Variants in HK3 observed in about 807,000 individuals in gnomAD.
HK3 encodes the protein hexokinase 3.
Under a neutral mutation model 91.0 loss-of-function variants are expected in HK3, and 93 were observed. That is an observed-to-expected ratio of 1.02 (90% CI 0.86 to 1.21). The LOEUF is 1.21. Among genes scored for constraint, HK3 ranks in the 50% most tolerant of loss-of-function variants. HK3 has a pLI of 0.00. For missense variants in HK3, 1,235 were observed against 1,247.4 expected (o/e 0.99, Z 0.15); for synonymous variants, 519 against 516.9 (o/e 1.00, Z -0.06).
In HK3 at chr5:176,889,430, T is replaced by C; in HGVS notation, c.865A>G (p.Thr289Ala). ...DDGALGPVLT[T>A]FDHTLDHESL... Reference sequence around the variant, plus strand: ...TCATGGTCCAGGGTATGGTCGAAGGTGGTCAGCACTGGTCCCAGCGCCCCA... The same window carrying C: ...TCATGGTCCAGGGTATGGTCGAAGGCGGTCAGCACTGGTCCCAGCGCCCCA... Residue 289 changes from threonine (T) to alanine (A), a missense_variant, in exon 8 of 19, where the codon ACC becomes GCC. Around this residue, in one of 3 missense-constraint regions of HK3, gnomAD observed 717 missense variants for 751.6 expected, o/e 0.95. Transcript: ENST00000292432. 1 of 1,614,106 alleles carries C rather than the reference T, an allele frequency of 6.2e-7. No homozygotes were observed. Among genetic ancestry groups the C allele is most frequent in the Admixed American group, 1.7e-5 (1 of 60,026 alleles).
intron 6 of HK3, 38 bp from the exon 7 acceptor site, chr5:176,889,782 A>G: frequency 6.4e-7 from 1 of 1,573,824 alleles, no homozygotes. Flanking sequence ...GGCTGGCCTG[A>G]GTGGCCAGAG....
chr5:176,882,068 C>T lies in HK3; in HGVS notation c.2113G>A (p.Asp705Asn). 1 of 1,612,918 alleles carries T rather than the reference C, an allele frequency of 6.2e-7. No homozygotes were observed. Among genetic ancestry groups the T allele is most frequent in the Non-Finnish European group, 8.5e-7 (1 of 1,180,014 alleles). ...ELRNVAGVPG[D>N]SGRMCINMEW... ...ATGTTGATGCACATGCGGCCTGAGT[C>T]CCCAGGCACGCCCGCCACATTCCGG... The change falls in exon 16 of 19, where the codon GAC (aspartate) becomes AAC (asparagine). Residue 705 changes from aspartate (D) to asparagine (N), a missense_variant. Physicochemically the swap from Asp to Asn is conservative, Grantham distance 23. Transcript: ENST00000292432.
chr5:176,884,234 C>T lies in HK3; in HGVS notation c.1858-100G>A, dbSNP rs1330584881. 3 of 977,046 alleles carry T rather than the reference C, an allele frequency of 3.1e-6. No individual in the cohort carries two copies. Among genetic ancestry groups the T allele is most frequent in the East Asian group, 2.4e-5 (1 of 41,676 alleles). 60.5% of individuals were successfully genotyped at this position (977,046 alleles called of 1,614,324 possible). A position where few individuals can be genotyped will look rare whatever the true frequency, so the allele number is the denominator to read the frequency against. ...ATCCATCACAAGCCTAGGCTTTCCACCCTCCCCAAGCACAATTCCTTGCCT... is the reference window on the plus strand; with the variant it reads ...ATCCATCACAAGCCTAGGCTTTCCATCCTCCCCAAGCACAATTCCTTGCCT... On this transcript the variant is annotated intron_variant, in intron 13 of 18. Coordinates refer to ENST00000292432, the MANE Select transcript of HK3 (RefSeq NM_002115.3). The surrounding 1 kb of genome is among the most constrained non-coding windows in gnomAD (Gnocchi z 4.1).
intron 13 of HK3, 46 bp downstream of exon 13, chr5:176,886,956 G>A (rs368574792): frequency 3.0e-5 from 48 of 1,609,752 alleles, no homozygotes; most frequent in Non-Finnish European, 3.7e-5. Flanking sequence ...AAGGGTATGT[G>A]GGGGCAGGAG....
chr5:176,886,910 GC>G, intron 13 of HK3, 91 bp downstream of exon 13: 1 of 1,479,142 alleles, frequency 6.8e-7, no homozygotes, highest in Non-Finnish European at 9.2e-7. Flanking sequence ...ACCCGCCACC[GC>G]CCAGCCTTTT....
At position 176,890,805 on chromosome 5, in the gene HK3, T is replaced by C; in HGVS notation, c.534+17A>G. On this transcript the variant is annotated intron_variant, in intron 5 of 18. Coordinates refer to ENST00000292432, the MANE Select transcript of HK3 (RefSeq NM_002115.3). ...CAGCCACCCTCTACCCAGCGTCCCA[T>C]GTCCACTCCACCTCACCCTGTCCAA... The C allele has an allele frequency of 1.9e-6, 3 of 1,614,168 alleles. No individual in the cohort carries two copies. Among genetic ancestry groups the C allele is most frequent in the Non-Finnish European group, 1.7e-6 (2 of 1,180,020 alleles).
intron 16 of HK3, 27 bp downstream of exon 16, chr5:176,881,917 C>T: frequency 6.2e-7 from 1 of 1,612,496 alleles, no homozygotes; most frequent in Non-Finnish European, 8.5e-7. Context: ...TCACAGCCAG[C>T]CACCACTGCC....
Position 176,889,581 on chromosome 5 carries a change from T to C in HK3, c.731-17A>G. 6.2e-7 allele frequency: 1 copy of C among 1,614,086 alleles called. No homozygotes were observed. The highest frequency in any genetic ancestry group is 8.5e-7 in the Non-Finnish European group (1 of 1,179,932). On this transcript the variant is annotated splice_polypyrimidine_tract_variant and intron_variant, in intron 7 of 18. Coordinates refer to ENST00000292432, the MANE Select transcript of HK3 (RefSeq NM_002115.3). ...TGCCCGTGTCTGGCAGAGACAACCC[T>C]GTCAAGGCCTGCTAGCCAGGCAGCA...
chr5:176,885,118 G>A (rs1758548104), intron 13 of HK3, among the ~76,000 whole-genome samples: 3 of 152,190 alleles, frequency 2.0e-5, no homozygotes, highest in Non-Finnish European at 4.4e-5. Context: ...GGTTGCTGAT[G>A]ACTTCCTGAG....
chr5:176,898,861 G>T (rs1053959317), intron 1 of HK3, among the ~76,000 whole-genome samples: 12 of 152,184 alleles, frequency 7.9e-5, no homozygotes, highest in Non-Finnish European at 1.3e-4. Flanking sequence ...GGCTGGGTGT[G>T]GTGGCTTGCA....
chr5:176,882,027 A>G lies in HK3; in HGVS notation c.2154T>C (p.Phe718=). Residue 718 remains phenylalanine, a synonymous_variant, in exon 16 of 19, where the codon TTT becomes TTC. Transcript: ENST00000292432. The part of the protein sequence containing the change: ...RMCINMEWGA[F]GDDGSLAMLS... ...GCATGGCCAGAGAGCCATCGTCCCCAAAGGCGCCCCACTCCATGTTGATGC... is the reference window on the plus strand; with the variant it reads ...GCATGGCCAGAGAGCCATCGTCCCCGAAGGCGCCCCACTCCATGTTGATGC... 1 of 1,613,230 alleles carries G rather than the reference A, an allele frequency of 6.2e-7. No individual in the cohort carries two copies. Among genetic ancestry groups the G allele is most frequent in the Non-Finnish European group, 8.5e-7 (1 of 1,180,014 alleles).
rs139187398 is a variant in HK3, at chr5:176,888,796, C to T, written c.983G>A (p.Arg328Gln). ...GCAGCCACCAAAGAGGACCCCACAC[C>T]GGGCCAAGTGAGCCAGCACCAGCCG... is the stretch of plus-strand genomic sequence containing the variant. ...LVRLVLAHLARCGVLFGGCTS... is the reference protein window; with the variant it reads ...LVRLVLAHLAQCGVLFGGCTS... Residue 328 changes from arginine (R) to glutamine (Q), a missense_variant, in exon 9 of 19, where the codon CGG becomes CAG. Arg to Gln is a conservative substitution (Grantham distance 43). This residue lies in a region of HK3 where 717 missense variants were observed against 751.6 expected (regional missense o/e 0.95). Transcript: ENST00000292432. 2.4e-5 allele frequency: 38 copies of T among 1,614,048 alleles called. No homozygotes were observed. Among genetic ancestry groups the T allele is most frequent in the South Asian group, 8.8e-5 (8 of 91,080 alleles).
Position 176,887,723 on chromosome 5 carries a change from G to A in HK3, c.1328C>T (p.Thr443Ile). The A allele has an allele frequency of 6.2e-7, 1 of 1,611,846 alleles. No homozygotes were observed. The highest frequency in any genetic ancestry group is 8.5e-7 in the Non-Finnish European group (1 of 1,178,368). ...HPRFCSVLQGTVMLLAPECDV... is the reference protein window; with the variant it reads ...HPRFCSVLQGIVMLLAPECDV... ...GCATTCCGGGGCCAGGAGCATCACT[G>A]TCCCCTGCAGGACGCTGCAGAACCT... Residue 443 changes from threonine (T) to isoleucine (I), a missense_variant, in exon 11 of 19, where the codon ACA (threonine) becomes ATA (isoleucine). This residue lies in a region of HK3 where 717 missense variants were observed against 751.6 expected (regional missense o/e 0.95). Transcript: ENST00000292432. This position sits in a 1 kb window ranked among gnomAD's most constrained non-coding sequence, Gnocchi z 4.9.
At position 176,881,850 on chromosome 5, in the gene HK3, G is replaced by T; in HGVS notation, c.2238-3C>A. ...TGCCGCTGATCATCTTTTCAAACCT[G>T]CATGAACATGTGTGCACTCGGCAGA... On this transcript the variant is annotated splice_region_variant and splice_polypyrimidine_tract_variant and intron_variant, in intron 16 of 18. Transcript: ENST00000292432. 6.2e-7 allele frequency: 1 copy of T among 1,610,526 alleles called. No individual in the cohort carries two copies. The highest frequency in any genetic ancestry group is 1.1e-5 in the South Asian group (1 of 90,780).
rs145134037 is a variant in HK3 at position 176,899,006 on chromosome 5, G to A, written c.-27+261C>T. On this transcript the variant is annotated intron_variant, in intron 1 of 18. Coordinates refer to ENST00000292432, the MANE Select transcript of HK3 (RefSeq NM_002115.3). The stretch of plus-strand genomic sequence containing the variant: ...AAAAATTAGCTGGGTGTGGTGGTGT[G>A]CGCCTGTAGTCTCAGCTACTCCGGA... 9.0e-3 allele frequency among the ~76,000 whole-genome samples: 1,373 copies of A among 152,284 alleles called. 7 individuals are homozygous for A. The highest frequency in any genetic ancestry group is 0.024 in the South Asian group (116 of 4,828).
Position 176,887,091 on chromosome 5 carries a change from C to A in HK3, c.1768G>T (p.Asp590Tyr). 6.2e-7 allele frequency: 1 copy of A among 1,613,994 alleles called. No individual in the cohort carries two copies. Among genetic ancestry groups the A allele is most frequent in the Middle Eastern group, 1.6e-4 (1 of 6,062 alleles). The change falls in exon 13 of 19, where the codon GAC becomes TAC. Residue 590 changes from aspartate (D) to tyrosine (Y), a missense_variant. This residue lies in a region of HK3 where 513 missense variants were observed against 477.4 expected (regional missense o/e 1.07). Coordinates refer to ENST00000292432, the MANE Select transcript of HK3 (RefSeq NM_002115.3). This position sits in a 1 kb window ranked among gnomAD's most constrained non-coding sequence, Gnocchi z 4.9. ...CTCAGGCCCTGCTTCTGCTGGAAGT[C>A]CACGATGCAGTCCACGATGTGGTCA... is the stretch of plus-strand genomic sequence containing the variant. ...LFDHIVDCIV[D>Y]FQQKQGLSGQ...
chr5:176,893,218 G>T lies in HK3; in HGVS notation c.97-1668C>A, dbSNP rs139354393. 1.4e-4 allele frequency among the ~76,000 whole-genome samples: 21 copies of T among 152,286 alleles called. No homozygotes were observed. The East Asian group carries it at 3.9e-3, about 28-fold the overall frequency. ...CAAGCAGCTGTGAAGGGGCAGGGGA[G>T]AATTTGAACCCATATCTACCTGAAT... On this transcript the variant is annotated intron_variant, in intron 2 of 18. Transcript: ENST00000292432.
In HK3 at chr5:176,881,087, A is replaced by G. The variant is rs1163933935; in HGVS notation, c.2758T>C (p.Leu920=). Residue 920 remains leucine (L), a synonymous_variant, in exon 19 of 19, where the codon TTG becomes CTG. Transcript: ENST00000292432. ...TGGAGGTTTCCTCAGACACGAGTCA[A>G]CTGCGCAAGGCGGCAGGCAACAGCG... The part of the protein sequence containing the change: ...VTAVACRLAQ[L]TRV The G allele has an allele frequency of 1.2e-6, 2 of 1,604,992 alleles. No individual in the cohort carries two copies. The highest frequency in any genetic ancestry group is 1.7e-6 in the Non-Finnish European group (2 of 1,175,712).
In HK3 at chr5:176,886,992, C is replaced by A. The variant is rs2149374651; in HGVS notation, c.1857+10G>T. ...GCCCTTGGGAATCACTTCTCTTGGCCCTCCCTCACCTGGTCTAGGCCAAGC... is the reference window on the plus strand; with the variant it reads ...GCCCTTGGGAATCACTTCTCTTGGCACTCCCTCACCTGGTCTAGGCCAAGC... On this transcript the variant is annotated intron_variant, in intron 13 of 18. Transcript: ENST00000292432. 1 of 1,613,770 alleles carries A rather than the reference C, an allele frequency of 6.2e-7. No individual in the cohort carries two copies. Among genetic ancestry groups the A allele is most frequent in the South Asian group, 1.1e-5 (1 of 90,964 alleles).
Sources: gnomAD v4.1 joint callset for allele counts (sites outside exome capture counted in the v4.1 genomes callset) on GRCh38, gnomAD v4.1.1 for gene constraint, gnomAD v4.1.1 regional missense constraint, Gnocchi (gnomAD v3.1) non-coding constraint, MANE v1.5 for transcripts, NCBI Gene and HGNC (gene_info 2026-07-23, HGNC 2026-07-21) for gene names.